Variants in PLXDC2 observed in about 807,000 individuals in gnomAD.
PLXDC2 encodes plexin domain containing 2, also known as plexin domain-containing protein 2.
A neutral mutation model predicts 68.9 loss-of-function variants in PLXDC2; 40 were observed. The observed-to-expected ratio is 0.58, with a 90% CI of 0.45 to 0.76. PLXDC2 has a LOEUF of 0.76. Among genes scored for constraint, PLXDC2 ranks in the 30% least tolerant of loss-of-function variants. The probability of loss-of-function intolerance (pLI) is 0.00; values close to 1 mark genes in which losing one functional copy is unlikely to be tolerated. For synonymous variants in PLXDC2, 243 were observed against 234.2 expected, an observed-to-expected ratio of 1.04 and a Z score of -0.34; for missense variants, 644 against 661.9, an observed-to-expected ratio of 0.97 and a Z score of 0.30.
chr10:20,056,310 C>T (rs1281439722), intron 3 of PLXDC2, among the ~76,000 whole-genome samples: 2 of 152,154 alleles, frequency 1.3e-5, no homozygotes, highest in Admixed American at 1.3e-4. Context: ...TTTCATTGCA[C>T]AAAATTAACA....
Position 20,177,471 on chromosome 10 carries a change from T to C in PLXDC2, c.1061+62T>C, listed in dbSNP as rs1036301220. The stretch of plus-strand genomic sequence containing the variant: ...AAAAGATATTTTAAAAGATTAGAAA[T>C]TAAAAATAACTTATGGACAGGTGCA... On this transcript the variant is annotated intron_variant, in intron 9 of 13. Transcript: ENST00000377252. 1.1e-5 allele frequency: 10 copies of C among 924,274 alleles called. No individual in the cohort carries two copies. The African/African-American group carries it at 1.4e-4, about 13-fold the overall frequency. The allele number at this position is 924,274 out of a possible 1,614,324, so 57.3% of individuals were successfully genotyped here.
Position 20,124,425 on chromosome 10 carries a change from G to A in PLXDC2, c.542-18870G>A, listed in dbSNP as rs1194097093. Among the ~76,000 whole-genome samples the A allele has an allele frequency of 2.6e-5, 4 of 152,250 alleles. No homozygotes were observed. In the South Asian group the frequency reaches 8.3e-4, roughly 32 times the overall value. Reference sequence around the variant, plus strand: ...GGTGAGATGTTCCTTGGGCTGGTAGGTCTGAGGACCTGAGGTCGTAGGTGG... The same window carrying A: ...GGTGAGATGTTCCTTGGGCTGGTAGATCTGAGGACCTGAGGTCGTAGGTGG... On this transcript the variant is annotated intron_variant, in intron 4 of 13. Transcript: ENST00000377252.
intron 1 of PLXDC2, among the ~76,000 whole-genome samples, chr10:20,001,475 G>A (rs561933350): frequency 5.9e-5 from 9 of 152,294 alleles, no homozygotes; most frequent in African/African-American, 2.2e-4. Context: ...AAGTGTGCGT[G>A]TGGAGGGGGC....
At chr10:20,032,881 C>T (rs936753113) in intron 2 of PLXDC2, among the ~76,000 whole-genome samples, 2 of 151,712 alleles carry the variant, frequency 1.3e-5, no homozygotes, top group South Asian at 4.1e-4. Context: ...ATGTTAGTTA[C>T]ACTTATTACC....
At chr10:20,094,267 G>A (rs1035378013) in intron 4 of PLXDC2, among the ~76,000 whole-genome samples, 11 of 152,126 alleles carry the variant, frequency 7.2e-5, no homozygotes, top group African/African-American at 1.9e-4. Flanking sequence ...ATCTGAGAAC[G>A]TCATCATCAG....
In PLXDC2 at chr10:20,044,185, CTTTCTT is replaced by C. The variant is rs1835738586; in HGVS notation, c.325-2682_325-2677del. Among the ~76,000 whole-genome samples, 390 of 122,534 alleles carry C rather than the reference CTTTCTT, an allele frequency of 3.2e-3. 20 individuals carry two copies. The highest frequency in any genetic ancestry group is 0.013 in the African/African-American group (381 of 28,226). The allele number at this position is 122,534 out of a possible 152,430, so 80.4% of individuals were successfully genotyped here. Reference sequence around the variant, plus strand: ...TTCCTCTTTCTTTCTTTCCTTCTTTCTTTCTTTCTCTCTCTCTCTCTCTCTGTCTTT... The same window carrying C: ...TTCCTCTTTCTTTCTTTCCTTCTTTCTCTCTCTCTCTCTCTCTCTGTCTTT... On this transcript the variant is annotated intron_variant, in intron 2 of 13. Coordinates refer to ENST00000377252, the MANE Select transcript of PLXDC2 (RefSeq NM_032812.9).
intron 12 of PLXDC2, among the ~76,000 whole-genome samples, chr10:20,237,483 T>C (rs959909691): frequency 6.6e-6 from 1 of 152,050 alleles, no homozygotes; most frequent in South Asian, 2.1e-4. Context: ...GTTAAAGAGG[T>C]AAGAGAGAAA....
At chr10:20,166,584 A>G (rs2131816968) in intron 7 of PLXDC2, among the ~76,000 whole-genome samples, 1 of 152,290 alleles carries the variant, frequency 6.6e-6, no homozygotes, top group East Asian at 1.9e-4. Context: ...TTATTGCACA[A>G]GTAAAAAGAA....
At chr10:19,836,708 A>C (rs1161401005) in intron 1 of PLXDC2, among the ~76,000 whole-genome samples, 1 of 152,206 alleles carries the variant, frequency 6.6e-6, no homozygotes, top group Non-Finnish European at 1.5e-5. Context: ...TATGTAAAAT[A>C]ATTTGTTTAG....
chr10:20,041,389 C>T (rs544606855), intron 2 of PLXDC2, among the ~76,000 whole-genome samples: 7 of 151,768 alleles, frequency 4.6e-5, no homozygotes, highest in Admixed American at 2.6e-4. Context: ...TACCAGGTAC[C>T]AGCTTATTGA....
At chr10:19,970,576 A>G (rs1413269151) in intron 1 of PLXDC2, among the ~76,000 whole-genome samples, 1 of 152,220 alleles carries the variant, frequency 6.6e-6, no homozygotes, top group African/African-American at 2.4e-5. Context: ...TCTATAGCCA[A>G]TGAAGACATT....
intron 1 of PLXDC2, among the ~76,000 whole-genome samples, chr10:19,921,681 C>A (rs1461278346): frequency 6.6e-6 from 1 of 152,104 alleles, no homozygotes; most frequent in East Asian, 1.9e-4. Context: ...TTCATGGAGC[C>A]AGTGAGGCTA....
intron 2 of PLXDC2, among the ~76,000 whole-genome samples, chr10:20,022,617 G>A (rs1193145005): frequency 6.6e-6 from 1 of 151,984 alleles, no homozygotes; most frequent in Non-Finnish European, 1.5e-5. Flanking sequence ...AGAAATATGT[G>A]AACAAACTCC....
chr10:20,173,785 A>G (rs1348340720), intron 7 of PLXDC2, among the ~76,000 whole-genome samples: 3 of 152,184 alleles, frequency 2.0e-5, no homozygotes, highest in African/African-American at 7.2e-5. Flanking sequence ...GAAAGCTTCT[A>G]GTATTGGCAG....
At chr10:19,920,339 C>G (rs1833439444) in intron 1 of PLXDC2, among the ~76,000 whole-genome samples, 1 of 152,184 alleles carries the variant, frequency 6.6e-6, no homozygotes, top group Admixed American at 6.5e-5. Context: ...TTGCATTTCC[C>G]AAGACCAACC....
intron 2 of PLXDC2, among the ~76,000 whole-genome samples, chr10:20,029,751 G>T (rs1835468485): frequency 6.6e-6 from 1 of 152,096 alleles, no homozygotes; most frequent in South Asian, 2.1e-4. Context: ...GAAAATATTT[G>T]TCTGAAAATA....
Position 20,209,296 on chromosome 10 carries a change from C to T in PLXDC2, c.1062-2373C>T, listed in dbSNP as rs1030496354. On this transcript the variant is annotated intron_variant, in intron 9 of 13. Transcript: ENST00000377252. The stretch of plus-strand genomic sequence containing the variant: ...CATTTCAGAGGCCTACCTTCAGGGA[C>T]GCATTCTCTTTCAGGGATGTTCCTT... Among the ~76,000 whole-genome samples, 29 of 151,802 alleles carry T rather than the reference C, an allele frequency of 1.9e-4. 1 individual carries two copies. Among genetic ancestry groups the T allele is most frequent in the Non-Finnish European group, 2.5e-4 (17 of 67,898 alleles).
chr10:19,993,270 A>G (rs1834780611), intron 1 of PLXDC2, among the ~76,000 whole-genome samples: 1 of 152,140 alleles, frequency 6.6e-6, no homozygotes, highest in African/African-American at 2.4e-5. Context: ...ATTATGGCTC[A>G]TTAGGCTTGG....
intron 1 of PLXDC2, among the ~76,000 whole-genome samples, chr10:19,962,850 C>T (rs1251220303): frequency 6.6e-6 from 1 of 150,702 alleles, no homozygotes; most frequent in Non-Finnish European, 1.5e-5. Flanking sequence ...ATTAGCCGGG[C>T]TTGGTGGCTG....
Sources: gnomAD v4.1 joint callset for allele counts (sites outside exome capture counted in the v4.1 genomes callset) on GRCh38, gnomAD v4.1.1 for gene constraint, MANE v1.5 for transcripts, NCBI Gene and HGNC (gene_info 2026-07-23, HGNC 2026-07-21) for gene names.